The following NREP variants were observed in gnomAD, a reference collection of about 807,000 sequenced individuals.
The protein encoded by NREP is neuronal regeneration-related protein.
In NREP, 5 loss-of-function variants were observed where a neutral mutation model predicts 8.6. That is an observed-to-expected ratio of 0.58 (90% CI 0.30 to 1.22). NREP has a LOEUF of 1.22. NREP is among the 50% of genes most tolerant of loss of function. The pLI, the probability that NREP is intolerant of heterozygous loss-of-function variation, is 0.07. For missense variants in NREP, 86 were observed against 82.5 expected (o/e 1.04, Z -0.17); for synonymous variants, 27 against 28.0 (o/e 0.96, Z 0.11).
chr5:111,808,827 G>C (rs1260843714), intron 2 of NREP, among the ~76,000 whole-genome samples: 4 of 152,118 alleles, frequency 2.6e-5, no homozygotes, highest in Non-Finnish European at 2.9e-5. Context: ...CAGAATGTAA[G>C]CTCCATCATA....
At chr5:111,917,878 G>A (rs1217832249) in intron 2 of NREP, among the ~76,000 whole-genome samples, 4 of 152,202 alleles carry the variant, frequency 2.6e-5, no homozygotes, top group African/African-American at 9.6e-5. Flanking sequence ...GCAACAAAAA[G>A]AAATAAAAGG....
chr5:111,788,702 C>T (rs1293363010), intron 2 of NREP, among the ~76,000 whole-genome samples: 2 of 152,192 alleles, frequency 1.3e-5, no homozygotes, highest in African/African-American at 4.8e-5. Flanking sequence ...CAAAATTACA[C>T]ACATGGTGAT....
At chr5:111,805,325 C>A (rs1561673630) in intron 2 of NREP, among the ~76,000 whole-genome samples, 1 of 152,060 alleles carries the variant, frequency 6.6e-6, no homozygotes. Context: ...GAATTTTACC[C>A]TAAAGTTAAG....
At chr5:111,743,952 T>C (rs1443088902) in intron 2 of NREP, among the ~76,000 whole-genome samples, 1 of 152,142 alleles carries the variant, frequency 6.6e-6, no homozygotes, top group South Asian at 2.1e-4. Flanking sequence ...TATTCAAAAA[T>C]ACGATTTCTT....
chr5:111,800,152 A>T (rs1404676813), intron 2 of NREP, among the ~76,000 whole-genome samples: 1 of 150,346 alleles, frequency 6.7e-6, no homozygotes, highest in African/African-American at 2.4e-5. Context: ...CTGATCTCAA[A>T]CTCCTGCCCT....
chr5:111,737,753 C>T (rs536538119), intron 2 of NREP, among the ~76,000 whole-genome samples: 4 of 149,822 alleles, frequency 2.7e-5, no homozygotes, highest in South Asian at 4.2e-4. Context: ...AAAAAAAAAG[C>T]CAATGACTTT....
At chr5:111,905,372 T>C (rs2112554837) in intron 2 of NREP, among the ~76,000 whole-genome samples, 1 of 152,290 alleles carries the variant, frequency 6.6e-6, no homozygotes, top group South Asian at 2.1e-4. Context: ...CTTGCAGATA[T>C]TTGGTGTCAT....
At chr5:111,818,513 C>T (rs1752444333) in intron 2 of NREP, among the ~76,000 whole-genome samples, 1 of 152,114 alleles carries the variant, frequency 6.6e-6, no homozygotes, top group African/African-American at 2.4e-5. Flanking sequence ...CAGTGACTTT[C>T]ATTTGTAAAC....
At chr5:111,904,323 G>A (rs1336275741) in intron 2 of NREP, among the ~76,000 whole-genome samples, 3 of 152,080 alleles carry the variant, frequency 2.0e-5, no homozygotes, top group Non-Finnish European at 2.9e-5. Context: ...ATAGCTGTAT[G>A]ATAAATAATT....
chr5:111,944,311 A>AT (rs1291610115), intron 2 of NREP, among the ~76,000 whole-genome samples: 3 of 151,276 alleles, frequency 2.0e-5, no homozygotes, highest in East Asian at 2.0e-4. Context: ...TTCTTCCTCC[A>AT]TTTTTTTCTT....
intron 2 of NREP, among the ~76,000 whole-genome samples, chr5:111,855,427 A>T (rs973693833): frequency 5.3e-5 from 8 of 152,202 alleles, no homozygotes; most frequent in Admixed American, 2.6e-4. Context: ...TGGTTTGAGG[A>T]GCTTCAAGCT....
At chr5:111,895,557 G>A (rs1034514645) in intron 2 of NREP, among the ~76,000 whole-genome samples, 1 of 152,110 alleles carries the variant, frequency 6.6e-6, no homozygotes, top group Non-Finnish European at 1.5e-5. Context: ...GAGTGAGGGA[G>A]AGGATAGTAT....
chr5:111,863,170 G>T (rs1753590177), intron 2 of NREP, among the ~76,000 whole-genome samples: 2 of 152,006 alleles, frequency 1.3e-5, no homozygotes, highest in Admixed American at 1.3e-4. Flanking sequence ...ACAGAATAAT[G>T]GTAGTAGAGA....
chr5:111,976,615 G>A (rs1017494237), intron 1 of NREP: 12 of 938,300 alleles, frequency 1.3e-5, no homozygotes, highest in African/African-American at 1.2e-4. Flanking sequence ...TTAAAATGGA[G>A]AGGTCAGTGA....
chr5:111,854,585 G>C (rs1190778688), intron 2 of NREP, among the ~76,000 whole-genome samples: 1 of 152,166 alleles, frequency 6.6e-6, no homozygotes, highest in Non-Finnish European at 1.5e-5. Flanking sequence ...CCACCATCCT[G>C]TGATTCCAAA....
At chr5:111,970,765 G>C (rs1756790645) in intron 2 of NREP, among the ~76,000 whole-genome samples, 1 of 137,328 alleles carries the variant, frequency 7.3e-6, no homozygotes, top group African/African-American at 2.7e-5. Flanking sequence ...GGCGGAGGTT[G>C]CAGTGAGTCG....
At chr5:111,928,716 T>C (rs986058644) in intron 2 of NREP, among the ~76,000 whole-genome samples, 15 of 152,090 alleles carry the variant, frequency 9.9e-5, no homozygotes, top group African/African-American at 3.1e-4. Flanking sequence ...TAGTCAAATT[T>C]AGGATAAGTG....
At chr5:111,859,102 G>A (rs1321114799) in intron 2 of NREP, among the ~76,000 whole-genome samples, 1 of 152,122 alleles carries the variant, frequency 6.6e-6, no homozygotes, top group African/African-American at 2.4e-5. Flanking sequence ...CTTACATAAT[G>A]TGAATTGTTG....
intron 2 of NREP, among the ~76,000 whole-genome samples, chr5:111,916,105 A>G (rs1755050143): frequency 6.6e-6 from 1 of 152,116 alleles, no homozygotes; most frequent in Admixed American, 6.6e-5. Context: ...CGCAAGCCAA[A>G]GAAGCCCATT....
Sources: gnomAD v4.1 joint callset for allele counts (sites outside exome capture counted in the v4.1 genomes callset) on GRCh38, gnomAD v4.1.1 for gene constraint, MANE v1.5 for transcripts, NCBI Gene and HGNC (gene_info 2026-07-23, HGNC 2026-07-21) for gene names.